The following SVEP1 variants were observed in gnomAD, a reference collection of about 807,000 sequenced individuals.
SVEP1 encodes the protein sushi, von Willebrand factor type A, EGF and pentraxin domain-containing protein 1.
In SVEP1, 164 loss-of-function variants were observed where a neutral mutation model predicts 367.3. The ratio of observed to expected loss-of-function variants is 0.45; its 90% CI spans 0.39 to 0.51. The LOEUF (loss-of-function observed/expected upper bound fraction) is 0.51, where lower values mean the gene tolerates loss of function less well. Ranked by LOEUF, SVEP1 falls within the 20% of genes least tolerant of loss-of-function variation. SVEP1 has a pLI of 0.00. For synonymous variants in SVEP1, 1,666 were observed against 1,611.6 expected, an observed-to-expected ratio of 1.03 and a Z score of -0.81; for missense variants, 4,117 against 4,425.3, an observed-to-expected ratio of 0.93 and a Z score of 1.98.
intron 1 of SVEP1, among the ~76,000 whole-genome samples, chr9:110,571,713 A>G (rs1830565309): frequency 6.6e-6 from 1 of 152,176 alleles, no homozygotes; most frequent in Non-Finnish European, 1.5e-5. Context: ...CTAGGGGGTT[A>G]ACACCATCTC....
rs1406398210 is a variant in SVEP1, at chr9:110,365,610, G to A, written c.*929C>T. ...AGAGGTAGGTGACAGTGAGGACTGA[G>A]GGGCAGCTCAGCTTTCTCTTAGGTG... On this transcript the variant is annotated 3_prime_UTR_variant, in exon 48 of 48. Transcript: ENST00000374469. 1 of 152,234 alleles carries A rather than the reference G, an allele frequency of 6.6e-6. No homozygotes were observed. The highest frequency in any genetic ancestry group is 1.5e-5 in the Non-Finnish European group (1 of 68,064). 9.4% of individuals were successfully genotyped at this position (152,234 alleles called of 1,614,324 possible).
At chr9:110,444,076 A>G (rs560724994) in intron 26 of SVEP1, among the ~76,000 whole-genome samples, 15 of 152,238 alleles carry the variant, frequency 9.9e-5, no homozygotes, top group South Asian at 4.1e-4. Context: ...GTAAATGTCA[A>G]ACTGACATCC....
intron 1 of SVEP1, among the ~76,000 whole-genome samples, chr9:110,563,345 G>T (rs1473456539): frequency 6.6e-6 from 1 of 151,978 alleles, no homozygotes; most frequent in African/African-American, 2.4e-5. Context: ...GACAAAAACT[G>T]TAATTATTAT....
At chr9:110,499,291 G>A (rs1829496329) in intron 6 of SVEP1, 53 bp from the exon 7 acceptor site, 3 of 1,519,024 alleles carry the variant, frequency 2.0e-6, no homozygotes, top group East Asian at 2.3e-5. Context: ...AATTGGAAAT[G>A]CCATGGATTC....
chr9:110,398,741 A>G (rs1387481154), intron 40 of SVEP1, among the ~76,000 whole-genome samples: 1 of 152,242 alleles, frequency 6.6e-6, no homozygotes, highest in Non-Finnish European at 1.5e-5. Context: ...CACTCATGAA[A>G]AAATGCTCAT....
At position 110,434,327 on chromosome 9, in the gene SVEP1, G is replaced by T; in HGVS notation, c.5059+9C>A. The T allele has an allele frequency of 6.3e-7, 1 of 1,583,720 alleles. No individual in the cohort carries two copies. The highest frequency in any genetic ancestry group is 8.6e-7 in the Non-Finnish European group (1 of 1,158,968). Reference sequence around the variant, plus strand: ...AGTCACTGAAATGGCTTCAAGAAAGGCAGCTCACGTTCACAGTGAGGAAGT... The same window carrying T: ...AGTCACTGAAATGGCTTCAAGAAAGTCAGCTCACGTTCACAGTGAGGAAGT... On this transcript the variant is annotated intron_variant, in intron 30 of 47. Coordinates refer to ENST00000374469, the MANE Select transcript of SVEP1 (RefSeq NM_153366.4).
chr9:110,543,492 C>T (rs541126020), intron 3 of SVEP1, among the ~76,000 whole-genome samples: 45 of 152,264 alleles, frequency 3.0e-4, no homozygotes, highest in African/African-American at 1.1e-3. Context: ...CAGACTGCTG[C>T]GCCTTTCATC....
intron 3 of SVEP1, among the ~76,000 whole-genome samples, chr9:110,521,936 T>G (rs2118793448): frequency 6.6e-6 from 1 of 152,328 alleles, no homozygotes; most frequent in African/African-American, 2.4e-5. Flanking sequence ...TTTTACAAAC[T>G]TGAACAGCTT....
intron 43 of SVEP1, among the ~76,000 whole-genome samples, chr9:110,381,409 T>G (rs10817002): frequency 0.28 from 41,956 of 151,372 alleles, 6,382 homozygotes; most frequent in Middle Eastern, 0.5. Flanking sequence ...ATTGTCTCAT[T>G]GTTCTCATTG....
intron 24 of SVEP1, among the ~76,000 whole-genome samples, chr9:110,447,320 C>G (rs1182407718): frequency 1.3e-5 from 2 of 152,214 alleles, no homozygotes; most frequent in Non-Finnish European, 2.9e-5. Flanking sequence ...ATTGTGGTTT[C>G]TCTCCTCATA....
chr9:110,365,935 AAGTACCAGGACATAATTATGTGGTGGAG>A lies in SVEP1; in HGVS notation c.*576_*603del, dbSNP rs1306881275. ...TGAAAAGAATTAGCCAGGCTACCCTAAGTACCAGGACATAATTATGTGGTGGAGAGTACCAGGTCCAACAGTTACTCTC... is the reference window on the plus strand; with the variant it reads ...TGAAAAGAATTAGCCAGGCTACCCTAAGTACCAGGTCCAACAGTTACTCTC... On this transcript the variant is annotated 3_prime_UTR_variant, in exon 48 of 48. Transcript: ENST00000374469. 6.6e-6 allele frequency: 1 copy of A among 152,356 alleles called. No individual in the cohort carries two copies. Among genetic ancestry groups the A allele is most frequent in the South Asian group, 2.1e-4 (1 of 4,828 alleles). The allele number at this position is 152,356 out of a possible 1,614,324, so 9.4% of individuals were successfully genotyped here.
At chr9:110,397,737 T>C (rs1827788081) in intron 40 of SVEP1, among the ~76,000 whole-genome samples, 10 of 152,128 alleles carry the variant, frequency 6.6e-5, no homozygotes. Context: ...GAACTCCCAT[T>C]CACAATTGCT....
At position 110,512,933 on chromosome 9, in the gene SVEP1, G is replaced by T; in HGVS notation, c.1296C>A (p.Tyr432Ter). 6.2e-7 allele frequency: 1 copy of T among 1,614,004 alleles called. No individual in the cohort carries two copies. The highest frequency in any genetic ancestry group is 8.5e-7 in the Non-Finnish European group (1 of 1,179,878). The change falls in exon 5 of 48, where the codon TAC becomes TAA. Residue 432 changes from tyrosine to a stop codon, truncating the protein, a stop_gained. Transcript: ENST00000374469. LOFTEE classifies it high-confidence loss of function. Reference protein sequence around the residue: ...PNGLWSGSESYCRVRTCPHLR... With the variant: ...PNGLWSGSES The stretch of plus-strand genomic sequence containing the variant: ...AATTGGCAGTTTGCATACCTCTGCA[G>T]TAGCTCTCTGAACCGGACCACAAAC...
Position 110,542,102 on chromosome 9 carries a change from C to A in SVEP1, c.964+4013G>T, listed in dbSNP as rs527962218. On this transcript the variant is annotated intron_variant, in intron 3 of 47. Transcript: ENST00000374469. ...GGCAGAGGCTGAATTTAAGCCAGCT[C>A]TTTCTGTGTTGCGAAACATTTTGAA... Among the ~76,000 whole-genome samples the A allele has an allele frequency of 2.2e-4, 34 of 152,144 alleles. No individual in the cohort carries two copies. In the East Asian group the frequency reaches 6.0e-3, roughly 27 times the overall value.
chr9:110,520,601 A>T (rs966802856), intron 3 of SVEP1, among the ~76,000 whole-genome samples: 4 of 152,220 alleles, frequency 2.6e-5, no homozygotes, highest in Admixed American at 2.6e-4. Context: ...AAATAAAAAC[A>T]CCAACCAGTT....
At chr9:110,439,648 T>C (rs967614275) in intron 27 of SVEP1, among the ~76,000 whole-genome samples, 3 of 151,962 alleles carry the variant, frequency 2.0e-5, no homozygotes, top group African/African-American at 7.2e-5. Flanking sequence ...GATCCACTTG[T>C]CTCAGCGTCC....
intron 3 of SVEP1, among the ~76,000 whole-genome samples, chr9:110,525,392 CA>C (rs1829927843): frequency 6.6e-6 from 1 of 152,042 alleles, no homozygotes; most frequent in Admixed American, 6.6e-5. Context: ...CAAGCATGTA[CA>C]AAACTTATAT....
intron 3 of SVEP1, 83 bp downstream of exon 3, chr9:110,546,032 C>T (rs1436542023): frequency 6.9e-7 from 1 of 1,455,314 alleles, no homozygotes; most frequent in East Asian, 2.5e-5. Context: ...CAATAACAAG[C>T]ATGTATTCCT....
chr9:110,498,785 T>C (rs1829488426), intron 7 of SVEP1, among the ~76,000 whole-genome samples: 1 of 152,164 alleles, frequency 6.6e-6, no homozygotes. Context: ...TTTAGTCTTA[T>C]GGAAAACTTA....
Sources: gnomAD v4.1 joint callset for allele counts (sites outside exome capture counted in the v4.1 genomes callset) on GRCh38, gnomAD v4.1.1 for gene constraint, MANE v1.5 for transcripts, NCBI Gene and HGNC (gene_info 2026-07-23, HGNC 2026-07-21) for gene names.